ARHGEF7: variants seen among roughly 807,000 people sequenced by gnomAD.
The protein encoded by ARHGEF7 is PAK-interacting exchange factor beta.
A neutral mutation model predicts 109.8 loss-of-function variants in ARHGEF7; 33 were observed. The observed-to-expected ratio is 0.30, with a 90% CI of 0.23 to 0.40. The LOEUF (loss-of-function observed/expected upper bound fraction) is 0.40, where lower values mean the gene tolerates loss of function less well. ARHGEF7 is among the 10% of genes least tolerant of loss of function. The pLI is 1.00. For synonymous variants in ARHGEF7, 458 were observed against 424.6 expected, an observed-to-expected ratio of 1.08 and a Z score of -0.97; for missense variants, 938 against 1,098.5, an observed-to-expected ratio of 0.85 and a Z score of 2.07.
At chr13:111,299,430 C>T (rs1187339604) in intron 19 of ARHGEF7, among the ~76,000 whole-genome samples, 3 of 150,392 alleles carry the variant, frequency 2.0e-5, no homozygotes, top group Non-Finnish European at 2.9e-5. Flanking sequence ...GCAAGCTCCA[C>T]CACCAGGCTT....
intron 4 of ARHGEF7, among the ~76,000 whole-genome samples, chr13:111,211,399 ATTTTTTTTTCT>A (rs2082476723): frequency 6.6e-6 from 1 of 151,710 alleles, no homozygotes; most frequent in Non-Finnish European, 1.5e-5. Context: ...TTTTCATCTG[ATTTTTTTTTCT>A]TTTTGAGTAG....
At chr13:111,215,786 A>T (rs1164668015) in intron 4 of ARHGEF7, among the ~76,000 whole-genome samples, 1 of 152,046 alleles carries the variant, frequency 6.6e-6, no homozygotes, top group Non-Finnish European at 1.5e-5. Flanking sequence ...GCCCTACTTG[A>T]ATCTCTCTTG....
chr13:111,175,041 T>G (rs1439630076), intron 2 of ARHGEF7, among the ~76,000 whole-genome samples: 1 of 152,224 alleles, frequency 6.6e-6, no homozygotes, highest in Non-Finnish European at 1.5e-5. Flanking sequence ...TGTTTTAAGT[T>G]GAATTAAATT....
chr13:111,241,147 T>G (rs558646175), intron 6 of ARHGEF7: 1 of 1,531,894 alleles, frequency 6.5e-7, no homozygotes, highest in South Asian at 1.2e-5. Context: ...AAGCTGGCAC[T>G]GGCTGAGCTC....
Position 111,289,193 on chromosome 13 carries a change from G to A in ARHGEF7, c.2134+750G>A, listed in dbSNP as rs190108903. On this transcript the variant is annotated intron_variant, in intron 18 of 21. Transcript: ENST00000646102. The stretch of plus-strand genomic sequence containing the variant: ...ATTACAGGTGCGCACCACCACGCCC[G>A]GCTAATTTTTTTGTGTTTTTAGTAA... Among the ~76,000 whole-genome samples, 163 of 152,170 alleles carry A rather than the reference G, an allele frequency of 1.1e-3. 1 individual carries two copies. Among genetic ancestry groups the A allele is most frequent in the Admixed American group, 2.8e-3 (43 of 15,296 alleles).
intron 6 of ARHGEF7, among the ~76,000 whole-genome samples, chr13:111,243,312 T>C (rs539754292): frequency 1.3e-5 from 2 of 152,358 alleles, no homozygotes; most frequent in East Asian, 1.9e-4. Flanking sequence ...ACAATGTATA[T>C]ATCTGTTGTA....
At chr13:111,252,317 C>T (rs145384516) in intron 8 of ARHGEF7, among the ~76,000 whole-genome samples, 3 of 152,298 alleles carry the variant, frequency 2.0e-5, no homozygotes, top group East Asian at 3.9e-4. Flanking sequence ...GATTGAGGGC[C>T]TGCCTCTAGT....
At chr13:111,156,872 T>C (rs1040437942) in intron 2 of ARHGEF7, among the ~76,000 whole-genome samples, 9 of 152,286 alleles carry the variant, frequency 5.9e-5, no homozygotes, top group African/African-American at 2.2e-4. Flanking sequence ...TCTATAGTTG[T>C]AAATGTCAAG....
At chr13:111,279,459 A>G (rs1488882885) in intron 13 of ARHGEF7, among the ~76,000 whole-genome samples, 1 of 152,114 alleles carries the variant, frequency 6.6e-6, no homozygotes, top group African/African-American at 2.4e-5. Flanking sequence ...CGTTCCCCAC[A>G]CCAGTTGAGC....
At position 111,303,699 on chromosome 13, in the gene ARHGEF7, C is replaced by G. The variant is rs1277020792; in HGVS notation, c.*586C>G. 3 of 152,262 alleles carry G rather than the reference C, an allele frequency of 2.0e-5. No individual in the cohort carries two copies. The highest frequency in any genetic ancestry group is 2.9e-5 in the Non-Finnish European group (2 of 68,074). The allele number at this position is 152,262 out of a possible 1,614,324, so 9.4% of individuals were successfully genotyped here. A position where few individuals can be genotyped will look rare whatever the true frequency, so the allele number is the denominator to read the frequency against. ...TGCAGAGATACACTTCAGTCCCATT[C>G]AGAAGTCTTCTCTTAAAGCAGCATT... On this transcript the variant is annotated 3_prime_UTR_variant, in exon 22 of 22. Coordinates refer to ENST00000646102, the MANE Select transcript of ARHGEF7 (RefSeq NM_001354046.2).
intron 4 of ARHGEF7, among the ~76,000 whole-genome samples, chr13:111,213,932 C>T: frequency 6.6e-6 from 1 of 152,186 alleles, no homozygotes; most frequent in East Asian, 1.9e-4. Context: ...TCTGATGGAG[C>T]ACTTCTTGGC....
At chr13:111,122,689 G>T (rs562179408) in intron 1 of ARHGEF7, 2 of 152,182 alleles carry the variant, frequency 1.3e-5, no homozygotes, top group Non-Finnish European at 2.9e-5. Flanking sequence ...CCAATCACAC[G>T]CATGGAAGCG....
chr13:111,242,073 C>T (rs936934478), intron 6 of ARHGEF7, among the ~76,000 whole-genome samples: 2 of 152,130 alleles, frequency 1.3e-5, no homozygotes, highest in African/African-American at 4.8e-5. Flanking sequence ...AGAAGGAAGA[C>T]ATTGTGGTTG....
intron 4 of ARHGEF7, among the ~76,000 whole-genome samples, chr13:111,213,446 C>T (rs1260854175): frequency 1.3e-5 from 2 of 152,174 alleles, no homozygotes; most frequent in African/African-American, 2.4e-5. Flanking sequence ...GGAACATTCC[C>T]GTGTAAGCAC....
At chr13:111,235,675 TTAC>T (rs2086705619) in intron 6 of ARHGEF7, among the ~76,000 whole-genome samples, 1 of 152,240 alleles carries the variant, frequency 6.6e-6, no homozygotes, top group South Asian at 2.1e-4. Context: ...TATACACTGG[TTAC>T]TAAGCCAGGA....
At chr13:111,225,040 A>G (rs1006874126) in intron 5 of ARHGEF7, among the ~76,000 whole-genome samples, 4 of 152,178 alleles carry the variant, frequency 2.6e-5, no homozygotes, top group African/African-American at 9.7e-5. Flanking sequence ...GTCTTGGAGT[A>G]GATGGTTTGG....
At chr13:111,249,866 G>C (rs1176746475) in intron 8 of ARHGEF7, among the ~76,000 whole-genome samples, 2 of 152,172 alleles carry the variant, frequency 1.3e-5, no homozygotes, top group Non-Finnish European at 2.9e-5. Flanking sequence ...ACAGCTCTCT[G>C]TTCGGCAACA....
chr13:111,116,706 A>G (rs1247808593), intron 1 of ARHGEF7: 1 of 151,970 alleles, frequency 6.6e-6, no homozygotes, highest in African/African-American at 2.4e-5. Context: ...CCCATACAGG[A>G]TGACAACAAC....
chr13:111,247,626 C>T (rs906453042), intron 8 of ARHGEF7, among the ~76,000 whole-genome samples: 2 of 151,624 alleles, frequency 1.3e-5, no homozygotes, highest in African/African-American at 2.4e-5. Context: ...AGACTTGATT[C>T]GTAGATGTCC....
Sources: allele counts gnomAD v4.1 joint callset (sites outside exome capture counted in the v4.1 genomes callset), GRCh38; gene constraint gnomAD v4.1.1; transcripts MANE v1.5; gene names NCBI Gene and HGNC (gene_info 2026-07-23, HGNC 2026-07-21).